PDE6A: variants seen among roughly 807,000 people sequenced by gnomAD.
PDE6A encodes the protein rod cGMP-specific 3',5'-cyclic phosphodiesterase subunit alpha.
Under a neutral mutation model 106.3 loss-of-function variants are expected in PDE6A, and 84 were observed. The ratio of observed to expected loss-of-function variants is 0.79; its 90% CI spans 0.66 to 0.95. The LOEUF (loss-of-function observed/expected upper bound fraction) is 0.95. Ranked by LOEUF, PDE6A falls within the 40% of genes least tolerant of loss-of-function variation. The pLI is 0.00. For synonymous variants in PDE6A, 394 were observed against 386.6 expected (o/e 1.02, Z -0.23); for missense variants, 1,052 against 1,084.9 (o/e 0.97, Z 0.43).
intron 17 of PDE6A, among the ~76,000 whole-genome samples, chr5:149,873,126 G>T (rs2113522961): frequency 6.6e-6 from 1 of 152,274 alleles, no homozygotes; most frequent in Non-Finnish European, 1.5e-5. Context: ...AATGAATTCA[G>T]TCTGGATTAT....
chr5:149,934,788 CT>C, intron 1 of PDE6A, 70 bp from the exon 2 acceptor site: 1 of 1,506,362 alleles, frequency 6.6e-7, no homozygotes, highest in Non-Finnish European at 9.2e-7. Context: ...CCCAAAGCCC[CT>C]GTTGACAAGG....
intron 1 of PDE6A, among the ~76,000 whole-genome samples, chr5:149,935,811 T>A (rs753551431): frequency 2.1e-4 from 32 of 152,214 alleles, no homozygotes; most frequent in Non-Finnish European, 3.5e-4. Flanking sequence ...CTCACGCCGT[T>A]CTGAGTGGAA....
chr5:149,924,229 A>C (rs2113645490), intron 4 of PDE6A, among the ~76,000 whole-genome samples: 1 of 152,206 alleles, frequency 6.6e-6, no homozygotes, highest in South Asian at 2.1e-4. Context: ...AAGAACCAAA[A>C]CAGTGCTGGA....
At chr5:149,892,473 A>ATTTTC (rs764587200) in intron 13 of PDE6A, among the ~76,000 whole-genome samples, 123 of 146,598 alleles carry the variant, frequency 8.4e-4, no homozygotes, top group Non-Finnish European at 1.4e-3. Flanking sequence ...ATTGTATGAC[A>ATTTTC]TTTTCTTTTC....
At chr5:149,893,350 T>G (rs927370235) in intron 13 of PDE6A, among the ~76,000 whole-genome samples, 7 of 152,212 alleles carry the variant, frequency 4.6e-5, no homozygotes, top group Non-Finnish European at 8.8e-5. Context: ...CGGGTAAAGC[T>G]AACCAGGGAA....
intron 16 of PDE6A, 30 bp from the exon 17 acceptor site, chr5:149,883,566 G>T: frequency 6.8e-7 from 1 of 1,463,576 alleles, no homozygotes; most frequent in South Asian, 1.2e-5. Flanking sequence ...AGTAAAGGGA[G>T]CAAGTCTTAG....
chr5:149,920,582 A>G (rs1022308578), intron 5 of PDE6A, among the ~76,000 whole-genome samples: 1 of 152,146 alleles, frequency 6.6e-6, no homozygotes, highest in South Asian at 2.1e-4. Context: ...CTCCATCTCA[A>G]AAAGAGAAAG....
At chr5:149,912,493 C>G (rs1363987850) in intron 6 of PDE6A, among the ~76,000 whole-genome samples, 1 of 152,122 alleles carries the variant, frequency 6.6e-6, no homozygotes, top group East Asian at 1.9e-4. Context: ...CTAGCTTTGA[C>G]CAATAAAATG....
intron 4 of PDE6A, among the ~76,000 whole-genome samples, chr5:149,925,335 C>A (rs1241409922): frequency 2.0e-5 from 3 of 152,076 alleles, no homozygotes; most frequent in Non-Finnish European, 4.4e-5. Flanking sequence ...ACTACAAAAA[C>A]AGAATGAGTT....
At position 149,914,962 on chromosome 5, in the gene PDE6A, C is replaced by T; in HGVS notation, c.979G>A (p.Glu327Lys). 1 of 1,609,476 alleles carries T rather than the reference C, an allele frequency of 6.2e-7. No individual in the cohort carries two copies. Residue 327 changes from glutamate to lysine, a missense_variant, in exon 6 of 22, where the codon GAG (glutamate) becomes AAG (lysine). Physicochemically the swap from Glu to Lys is moderately conservative, Grantham distance 56 (BLOSUM62 1). Around this residue, in one of 3 missense-constraint regions of PDE6A, gnomAD observed 913 missense variants for 915.2 expected, o/e 1.00. Transcript: ENST00000255266. ...ACTTACGGGATGACTTTGATGTCCT[C>T]TTTGCCATGCAGGATGTAGTCAATG... ...KVIDYILHGK[E>K]DIKVIPNPPP...
intron 17 of PDE6A, among the ~76,000 whole-genome samples, chr5:149,869,498 A>AC (rs1352572845): frequency 6.6e-6 from 1 of 152,218 alleles, no homozygotes; most frequent in African/African-American, 2.4e-5. Flanking sequence ...CGGACAAAGA[A>AC]CTGGAGCAAG....
chr5:149,874,076 G>A (rs375701188), intron 17 of PDE6A, among the ~76,000 whole-genome samples: 59 of 151,858 alleles, frequency 3.9e-4, no homozygotes, highest in African/African-American at 1.4e-3. Context: ...CAGGAAGCCC[G>A]TGGACATAAG....
Position 149,865,042 on chromosome 5 carries a change from C to A in PDE6A, c.2358+1128G>T, listed in dbSNP as rs1000112130. On this transcript the variant is annotated intron_variant, in intron 20 of 21. Transcript: ENST00000255266. ...ATCGTTTGAGGCCAGGAGTTTGAGA[C>A]CATCCTGGCCAACAAGGCAAAACCC... Among the ~76,000 whole-genome samples the A allele has an allele frequency of 1.3e-4, 20 of 152,058 alleles. 1 individual carries two copies. The highest frequency in any genetic ancestry group is 4.6e-4 in the African/African-American group (19 of 41,418).
chr5:149,924,110 C>A (rs1425957656), intron 4 of PDE6A, among the ~76,000 whole-genome samples: 1 of 152,070 alleles, frequency 6.6e-6, no homozygotes, highest in Non-Finnish European at 1.5e-5. Context: ...TACCTGAGCC[C>A]CACAACCTGC....
At chr5:149,895,377 G>T (rs917059505) in intron 12 of PDE6A, 87 bp from the exon 13 acceptor site, 97 of 884,206 alleles carry the variant, frequency 1.1e-4, no homozygotes, top group Non-Finnish European at 7.1e-5. Flanking sequence ...AGAAGGCATG[G>T]CCCATGGCCC....
At chr5:149,941,675 C>A (rs965043525) in intron 1 of PDE6A, among the ~76,000 whole-genome samples, 1 of 152,142 alleles carries the variant, frequency 6.6e-6, no homozygotes, top group African/African-American at 2.4e-5. Flanking sequence ...CAGACAAGCC[C>A]AAATGAAAGG....
At chr5:149,928,827 A>G (rs1753945560) in intron 4 of PDE6A, among the ~76,000 whole-genome samples, 2 of 152,192 alleles carry the variant, frequency 1.3e-5, no homozygotes, top group South Asian at 4.1e-4. Flanking sequence ...ATTTTTTTAA[A>G]TGGAGGAGAA....
intron 13 of PDE6A, among the ~76,000 whole-genome samples, chr5:149,888,674 C>T (rs1458318722): frequency 6.9e-6 from 1 of 144,230 alleles, no homozygotes; most frequent in Non-Finnish European, 1.5e-5. Context: ...CTGGTTACTC[C>T]AAAATGAGAA....
chr5:149,926,031 C>T (rs924514543), intron 4 of PDE6A, among the ~76,000 whole-genome samples: 3 of 152,158 alleles, frequency 2.0e-5, no homozygotes, highest in African/African-American at 7.2e-5. Flanking sequence ...TACTTGAGAT[C>T]AGGAGTTCGA....
Sources: allele counts gnomAD v4.1 joint callset (sites outside exome capture counted in the v4.1 genomes callset), GRCh38; gene constraint gnomAD v4.1.1; regional missense constraint gnomAD v4.1.1; transcripts MANE v1.5; gene names NCBI Gene and HGNC (gene_info 2026-07-23, HGNC 2026-07-21).